The following ITGAX variants were observed in gnomAD, a reference collection of about 807,000 sequenced individuals.
ITGAX encodes integrin alpha-X.
In ITGAX, 99 loss-of-function variants were observed where a neutral mutation model predicts 140.2. The ratio of observed to expected loss-of-function variants is 0.71; its 90% CI spans 0.60 to 0.83. The LOEUF (loss-of-function observed/expected upper bound fraction) is 0.83. Ranked by LOEUF, ITGAX falls within the 40% of genes least tolerant of loss-of-function variation. ITGAX has a pLI of 0.00. For missense variants in ITGAX, 1,444 were observed against 1,482.0 expected, an observed-to-expected ratio of 0.97 and a Z score of 0.42; for synonymous variants, 631 against 600.4, an observed-to-expected ratio of 1.05 and a Z score of -0.75.
intron 9 of ITGAX, chr16:31,361,616 C>G: frequency 5.5e-6 from 4 of 722,036 alleles, no homozygotes; most frequent in Non-Finnish European, 7.3e-6. Context: ...GTGGGGGGCC[C>G]TGATGAGGAC....
Position 31,382,559 on chromosome 16 carries a change from C to A in ITGAX, c.*652C>A. 1 of 862,404 alleles carries A rather than the reference C, an allele frequency of 1.2e-6. No individual in the cohort carries two copies. The highest frequency in any genetic ancestry group is 1.9e-6 in the Non-Finnish European group (1 of 531,028). 53.4% of individuals were successfully genotyped at this position (862,404 alleles called of 1,614,324 possible). A position where few individuals can be genotyped will look rare whatever the true frequency, so the allele number is the denominator to read the frequency against. On this transcript the variant is annotated 3_prime_UTR_variant, in exon 30 of 30. Transcript: ENST00000268296. ...AGAGGGTGGGCTTCAGGGCGCACAGCATGAGAGGCTCTGTGCCCCCATCAC... is the reference window on the plus strand; with the variant it reads ...AGAGGGTGGGCTTCAGGGCGCACAGAATGAGAGGCTCTGTGCCCCCATCAC...
At chr16:31,355,501 T>C (rs2080749355) in intron 1 of ITGAX, among the ~76,000 whole-genome samples, 2 of 152,202 alleles carry the variant, frequency 1.3e-5, no homozygotes, top group South Asian at 2.1e-4. Context: ...GTTCCAGAGA[T>C]GCTGGAAGAG....
intron 8 of ITGAX, chr16:31,360,838 C>T (rs2080816470): frequency 1.8e-6 from 1 of 545,706 alleles, no homozygotes; most frequent in Non-Finnish European, 3.2e-6. Context: ...ATAGAAACAC[C>T]AGCTCTCTCG....
In ITGAX at chr16:31,360,065, T is replaced by C; in HGVS notation, c.707T>C (p.Val236Ala). ...ACGGCCACCGCCATCCAAAATGTCGTGTGAGTCCTGATTTCTTCCAGGCAC... is the reference window on the plus strand; with the variant it reads ...ACGGCCACCGCCATCCAAAATGTCGCGTGAGTCCTGATTTCTTCCAGGCAC... ...TYTATAIQNVVHRLFHASYGA... is the reference protein window; with the variant it reads ...TYTATAIQNVAHRLFHASYGA... The change falls in exon 7 of 30, where the codon GTG becomes GCG. Residue 236 changes from valine to alanine, a missense_variant and splice_region_variant. Physicochemically the swap from Val to Ala is moderately conservative, Grantham distance 64 (BLOSUM62 0). Transcript: ENST00000268296. 6.2e-7 allele frequency: 1 copy of C among 1,609,314 alleles called. No individual in the cohort carries two copies. Among genetic ancestry groups the C allele is most frequent in the African/African-American group, 1.3e-5 (1 of 75,034 alleles).
intron 23 of ITGAX, 53 bp downstream of exon 23, chr16:31,377,318 A>AG: frequency 2.3e-6 from 3 of 1,321,216 alleles, no homozygotes; most frequent in Middle Eastern, 2.1e-4. Context: ...GACCTCAAAA[A>AG]GAAAAAAAAA....
chr16:31,362,642 G>A lies in ITGAX; in HGVS notation c.1248G>A (p.Gly416=). 6.2e-7 allele frequency: 1 copy of A among 1,613,028 alleles called. No homozygotes were observed. The highest frequency in any genetic ancestry group is 8.5e-7 in the Non-Finnish European group (1 of 1,179,660). ...CCACCGAGCTGGCCCTCTGGAAAGG[G>A]GTGCAGAGCCTGGTCCTGGGGGCCC... is the stretch of plus-strand genomic sequence containing the variant. ...GYSTELALWK[G]VQSLVLGAPR... The change falls in exon 12 of 30, where the codon GGG becomes GGA. Residue 416 remains glycine (G), a synonymous_variant. Transcript: ENST00000268296.
rs2081075689 is a variant in ITGAX at position 31,382,229 on chromosome 16, TTTTTTTTTTTTTTTCTTTTC to T, written c.*337_*356del. ...GCACGAATGATCTTTCTTTCCTTTCTTTTTTTTTTTTTTTCTTTTCTTTTTTTTTTTTTTGAGACGGAGTC... is the reference window on the plus strand; with the variant it reads ...GCACGAATGATCTTTCTTTCCTTTCTTTTTTTTTTTTTTTGAGACGGAGTC... On this transcript the variant is annotated 3_prime_UTR_variant, in exon 30 of 30. Transcript: ENST00000268296. 9.9e-5 allele frequency: 22 copies of T among 221,780 alleles called. No homozygotes were observed. Among genetic ancestry groups the T allele is most frequent in the Admixed American group, 2.6e-4 (2 of 7,802 alleles). 13.7% of individuals were successfully genotyped at this position (221,780 alleles called of 1,614,324 possible). A position where few individuals can be genotyped will look rare whatever the true frequency, so the allele number is the denominator to read the frequency against.
Position 31,361,650 on chromosome 16 carries a change from C to T in ITGAX, c.1013-186C>T, listed in dbSNP as rs544305711. The T allele has an allele frequency of 9.2e-4, 695 of 759,428 alleles. 1 individual carries two copies. The highest frequency in any genetic ancestry group is 1.4e-3 in the Non-Finnish European group (589 of 432,678). The allele number at this position is 759,428 out of a possible 1,614,324, so 47.0% of individuals were successfully genotyped here. On this transcript the variant is annotated intron_variant, in intron 9 of 29. Coordinates refer to ENST00000268296, the MANE Select transcript of ITGAX (RefSeq NM_000887.5). ...ACCAGATCGGTGCTGCCATCGCTGT[C>T]CACATCCATGGAGCAGAGGGGGGCC...
chr16:31,371,823 G>C (rs984241473), intron 17 of ITGAX, 39 bp downstream of exon 17: 1 of 1,605,172 alleles, frequency 6.2e-7, no homozygotes, highest in African/African-American at 1.3e-5. Context: ...GCCGCGCTGG[G>C]GCTGGCAGAA....
intron 14 of ITGAX, among the ~76,000 whole-genome samples, chr16:31,363,603 G>C (rs2080861880): frequency 6.6e-6 from 1 of 150,950 alleles, no homozygotes; most frequent in South Asian, 2.1e-4. Context: ...GCACCACCAT[G>C]TCCGGTTATT....
At chr16:31,361,576 C>A in intron 9 of ITGAX, 2 of 709,922 alleles carry the variant, frequency 2.8e-6, no homozygotes, top group South Asian at 1.8e-5. Context: ...CACACGGACA[C>A]CTGGCCCCCT....
chr16:31,382,854 C>T lies in ITGAX; in HGVS notation c.*947C>T, dbSNP rs1282385888. ...ATTTTTTGAGGCTATGAATATAGTA[C>T]CTGAAAAAATGCCAAGACATGATTA... On this transcript the variant is annotated 3_prime_UTR_variant, in exon 30 of 30. Coordinates refer to ENST00000268296, the MANE Select transcript of ITGAX (RefSeq NM_000887.5). 3 of 248,892 alleles carry T rather than the reference C, an allele frequency of 1.2e-5. No individual in the cohort carries two copies. Among genetic ancestry groups the T allele is most frequent in the Non-Finnish European group, 2.3e-5 (3 of 130,884 alleles). The allele number at this position is 248,892 out of a possible 1,614,324, so 15.4% of individuals were successfully genotyped here. A position where few individuals can be genotyped will look rare whatever the true frequency, so the allele number is the denominator to read the frequency against.
Position 31,363,227 on chromosome 16 carries a change from T to C in ITGAX, c.1563T>C (p.Phe521=), listed in dbSNP as rs2142496817. ...AGCAGGGCCACCCCTGGGGTCGCTT[T>C]GGGGCGGCTCTGACAGTGCTGGGGG... is the stretch of plus-strand genomic sequence containing the variant. ...YGEQGHPWGR[F]GAALTVLGDV... is the part of the protein sequence containing the mutation. The change falls in exon 14 of 30, where the codon TTT becomes TTC. Residue 521 remains phenylalanine, a synonymous_variant. Transcript: ENST00000268296. The C allele has an allele frequency of 6.2e-7, 1 of 1,613,366 alleles. No individual in the cohort carries two copies. The highest frequency in any genetic ancestry group is 2.2e-5 in the East Asian group (1 of 44,856).
chr16:31,375,721 T>C (rs1158999131), intron 20 of ITGAX, among the ~76,000 whole-genome samples: 1 of 152,262 alleles, frequency 6.6e-6, no homozygotes, highest in Non-Finnish European at 1.5e-5. Context: ...TTATTTCTGC[T>C]GTCTCTCTTA....
chr16:31,370,716 A>G (rs1435543466), intron 14 of ITGAX, among the ~76,000 whole-genome samples: 1 of 152,184 alleles, frequency 6.6e-6, no homozygotes, highest in African/African-American at 2.4e-5. Flanking sequence ...TCTCCTGAGC[A>G]TGGCTAAACT....
In ITGAX at chr16:31,371,624, C is replaced by CT; in HGVS notation, c.2006-5dup. The CT allele has an allele frequency of 6.2e-7, 1 of 1,614,122 alleles. No individual in the cohort carries two copies. The highest frequency in any genetic ancestry group is 1.1e-5 in the South Asian group (1 of 91,086). On this transcript the variant is annotated splice_polypyrimidine_tract_variant and splice_region_variant and intron_variant, in intron 16 of 29. Transcript: ENST00000268296. ...GTCTCAACGCCGTCCCTGCGACCGC[C>CT]TACAGGTGACCTCCAAAGCTCTGTG...
chr16:31,364,055 A>G (rs534648778), intron 14 of ITGAX, among the ~76,000 whole-genome samples: 1 of 151,984 alleles, frequency 6.6e-6, no homozygotes, highest in South Asian at 2.1e-4. Flanking sequence ...GCCGCCCTCC[A>G]CCCCAAGGGA....
At position 31,371,721 on chromosome 16, in the gene ITGAX, T is replaced by A; in HGVS notation, c.2097T>A (p.Ser699Arg). The change falls in exon 17 of 30, where the codon AGT becomes AGA. Residue 699 changes from serine to arginine, a missense_variant. Ser to Arg is a moderately radical substitution (Grantham distance 110). Transcript: ENST00000268296. ...RATFQETKNR[S>R]LSRVRVLGLK... ...CCTTCCAGGAAACAAAGAACCGGAG[T>A]CTGAGCCGAGTCCGAGTCCTCGGGC... is the stretch of plus-strand genomic sequence containing the variant. 4 of 1,613,822 alleles carry A rather than the reference T, an allele frequency of 2.5e-6. No individual in the cohort carries two copies. Among genetic ancestry groups the A allele is most frequent in the Non-Finnish European group, 3.4e-6 (4 of 1,179,982 alleles).
chr16:31,364,426 CAAAAAA>C (rs56776715), intron 14 of ITGAX, among the ~76,000 whole-genome samples: 1 of 42,456 alleles, frequency 2.4e-5, no homozygotes, highest in African/African-American at 7.1e-5. Flanking sequence ...AATCCCGTGT[CAAAAAA>C]AAAAAAAAAA....
Sources: allele counts gnomAD v4.1 joint callset (sites outside exome capture counted in the v4.1 genomes callset), GRCh38; gene constraint gnomAD v4.1.1; transcripts MANE v1.5; gene names NCBI Gene and HGNC (gene_info 2026-07-23, HGNC 2026-07-21).